Variants in GAN observed in about 807,000 individuals in gnomAD.
The protein encoded by GAN is epididymis secretory sperm binding protein.
GAN carries 48 observed loss-of-function variants against 71.3 expected under a neutral mutation model. The observed-to-expected ratio is 0.67, with a 90% CI of 0.53 to 0.86. The LOEUF (loss-of-function observed/expected upper bound fraction) is 0.86. Ranked by LOEUF, GAN falls within the 40% of genes least tolerant of loss-of-function variation. GAN has a pLI of 0.00. For missense variants in GAN, 928 were observed against 770.1 expected (o/e 1.21, Z -2.43); for synonymous variants, 386 against 276.8 (o/e 1.39, Z -3.92).
intron 3 of GAN, 24 bp from the exon 4 acceptor site, chr16:81,356,761 C>A: frequency 1.3e-6 from 2 of 1,502,174 alleles, no homozygotes; most frequent in South Asian, 1.1e-5. Context: ...TGTTTTCGCC[C>A]CATCTTTCTT....
intron 6 of GAN, among the ~76,000 whole-genome samples, chr16:81,362,878 G>T (rs192964932): frequency 9.0e-4 from 137 of 152,228 alleles, no homozygotes; most frequent in African/African-American, 3.2e-3. Flanking sequence ...AGCGTGGCCT[G>T]CCCCCTCCTC....
chr16:81,330,871 C>T (rs558170357), intron 1 of GAN, among the ~76,000 whole-genome samples: 2 of 152,198 alleles, frequency 1.3e-5, no homozygotes, highest in South Asian at 2.1e-4. Context: ...ACGATATTTC[C>T]GTAGTGTATC....
At chr16:81,364,153 T>C (rs550374840) in intron 7 of GAN, among the ~76,000 whole-genome samples, 2 of 152,304 alleles carry the variant, frequency 1.3e-5, no homozygotes, top group African/African-American at 4.8e-5. Flanking sequence ...ATCCTGCTTG[T>C]GGGCCCTGTG....
Position 81,377,570 on chromosome 16 carries a change from T to C in GAN, c.1768T>C (p.Phe590Leu). 6.2e-7 allele frequency: 1 copy of C among 1,614,198 alleles called. No individual in the cohort carries two copies. Among genetic ancestry groups the C allele is most frequent in the Non-Finnish European group, 8.5e-7 (1 of 1,180,016 alleles). ...LFRLQLQQGL[F>L]RIRVHSP is the part of the protein sequence containing the mutation. Reference sequence around the variant, plus strand: ...CCGCCTGCAGCTTCAGCAAGGCTTATTCCGTATTCGTGTTCATTCCCCTTG... The same window carrying C: ...CCGCCTGCAGCTTCAGCAAGGCTTACTCCGTATTCGTGTTCATTCCCCTTG... The change falls in exon 11 of 11, where the codon TTC becomes CTC. Residue 590 changes from phenylalanine (F) to leucine (L), a missense_variant. Coordinates refer to ENST00000648994, the MANE Select transcript of GAN (RefSeq NM_022041.4).
chr16:81,358,439 C>G (rs1307245355), intron 5 of GAN, among the ~76,000 whole-genome samples: 1 of 151,924 alleles, frequency 6.6e-6, no homozygotes, highest in Admixed American at 6.6e-5. Flanking sequence ...GAGAAACTGT[C>G]TTTACTAAAA....
Position 81,364,989 on chromosome 16 carries a change from G to T in GAN, c.1252G>T (p.Ala418Ser). Reference sequence around the variant, plus strand: ...CTGCTTTCAGATCGGCTGCTATGCAGCTATGAAAAAGAAAATCTACGCCAT... The same window carrying T: ...CTGCTTTCAGATCGGCTGCTATGCATCTATGAAAAAGAAAATCTACGCCAT... ...TMVRKIGCYA[A>S]MKKKIYAMGG... Residue 418 changes from alanine (A) to serine (S), a missense_variant, in exon 8 of 11, where the codon GCT (alanine) becomes TCT (serine). Ala to Ser is a moderately conservative substitution (Grantham distance 99). Coordinates refer to ENST00000648994, the MANE Select transcript of GAN (RefSeq NM_022041.4). 1 of 1,614,050 alleles carries T rather than the reference G, an allele frequency of 6.2e-7. No individual in the cohort carries two copies. The highest frequency in any genetic ancestry group is 1.1e-5 in the South Asian group (1 of 91,074).
intron 1 of GAN, among the ~76,000 whole-genome samples, chr16:81,317,839 T>G (rs1295057797): frequency 6.6e-6 from 1 of 152,254 alleles, no homozygotes; most frequent in Non-Finnish European, 1.5e-5. Context: ...GGTTTCCATT[T>G]TCAATCATCT....
At chr16:81,349,442 G>A (rs369634309) in intron 1 of GAN, among the ~76,000 whole-genome samples, 3 of 151,996 alleles carry the variant, frequency 2.0e-5, no homozygotes, top group Non-Finnish European at 4.4e-5. Flanking sequence ...TTAGGAGTTC[G>A]AAACCAGCCC....
intron 7 of GAN, 71 bp from the exon 8 acceptor site, chr16:81,364,903 A>G: frequency 7.0e-7 from 1 of 1,434,030 alleles, no homozygotes; most frequent in Non-Finnish European, 9.8e-7. Flanking sequence ...TGGCCCAGAC[A>G]GTTTAATATC....
At chr16:81,342,403 T>C (rs1364316909) in intron 1 of GAN, among the ~76,000 whole-genome samples, 1 of 152,136 alleles carries the variant, frequency 6.6e-6, no homozygotes, top group Non-Finnish European at 1.5e-5. Flanking sequence ...CCTAGGCAAA[T>C]GTAAAAGAAC....
chr16:81,323,802 C>T (rs1457954979), intron 1 of GAN, among the ~76,000 whole-genome samples: 1 of 152,136 alleles, frequency 6.6e-6, no homozygotes, highest in Non-Finnish European at 1.5e-5. Context: ...CAGAGGATTG[C>T]GCCCTCCAGG....
intron 1 of GAN, among the ~76,000 whole-genome samples, chr16:81,347,418 C>T (rs1250091545): frequency 6.6e-6 from 1 of 152,230 alleles, no homozygotes; most frequent in African/African-American, 2.4e-5. Context: ...TCTGCTGGTA[C>T]ATAGCTGTCA....
chr16:81,363,819 A>G lies in GAN; in HGVS notation c.1112A>G (p.Glu371Gly). ...NEARHNFGIVEIDGMLYILGG... is the reference protein window; with the variant it reads ...NEARHNFGIVGIDGMLYILGG... ...GCAAGACATAACTTCGGAATTGTGG[A>G]GATAGATGGGATGCTGTACATTTTG... Residue 371 changes from glutamate to glycine, a missense_variant, in exon 7 of 11, where the codon GAG becomes GGG. Coordinates refer to ENST00000648994, the MANE Select transcript of GAN (RefSeq NM_022041.4). 3.1e-6 allele frequency: 5 copies of G among 1,613,496 alleles called. No homozygotes were observed. The highest frequency in any genetic ancestry group is 4.2e-6 in the Non-Finnish European group (5 of 1,179,428).
chr16:81,332,422 A>C (rs1290673888), intron 1 of GAN, among the ~76,000 whole-genome samples: 1 of 152,168 alleles, frequency 6.6e-6, no homozygotes, highest in Non-Finnish European at 1.5e-5. Context: ...ACTGGGTATG[A>C]CTAGAATGAC....
rs937844729 is a variant in GAN at position 81,383,639 on chromosome 16, A to G, written c.*6043A>G. 6.6e-6 allele frequency: 1 copy of G among 151,930 alleles called. No individual in the cohort carries two copies. Among genetic ancestry groups the G allele is most frequent in the Non-Finnish European group, 1.5e-5 (1 of 67,988 alleles). The allele number at this position is 151,930 out of a possible 1,614,324, so 9.4% of individuals were successfully genotyped here. A position where few individuals can be genotyped will look rare whatever the true frequency, so the allele number is the denominator to read the frequency against. On this transcript the variant is annotated 3_prime_UTR_variant, in exon 11 of 11. Coordinates refer to ENST00000648994, the MANE Select transcript of GAN (RefSeq NM_022041.4). ...TTTGGCCTGATTATAAATGTTGATA[A>G]TAATTTCTTCCTGGCTCAACAAAGT...
chr16:81,330,158 G>GTGGCAGGAC (rs1909526051), intron 1 of GAN, among the ~76,000 whole-genome samples: 1 of 152,196 alleles, frequency 6.6e-6, no homozygotes, highest in Admixed American at 6.5e-5. Context: ...GTTCTGACTT[G>GTGGCAGGAC]TGGCAGGACC....
Position 81,376,785 on chromosome 16 carries a change from G to C in GAN, c.1503-434G>C, listed in dbSNP as rs1185423920. On this transcript the variant is annotated intron_variant, in intron 9 of 10. Transcript: ENST00000648994. The stretch of plus-strand genomic sequence containing the variant: ...CTCAGCTACTTGGAAGGCTGGGGTG[G>C]GAGGATCACCTGAACTGGTAGGTTG... 2.0e-5 allele frequency among the ~76,000 whole-genome samples: 3 copies of C among 152,108 alleles called. No homozygotes were observed. In the East Asian group the frequency reaches 5.8e-4, roughly 29 times the overall value.
rs761334418 is a variant in GAN, at chr16:81,354,436, T to A, written c.314T>A (p.Val105Asp). Reference protein sequence around the residue: ...IRLNEDTIQDVVQAADLLLLT... With the variant: ...IRLNEDTIQDDVQAADLLLLT... ...CTAAATGAAGATACAATCCAAGATG[T>A]TGTTCAGGCAGCTGACCTGCTGCTA... The change falls in exon 3 of 11, where the codon GTT (valine) becomes GAT (aspartate). Residue 105 changes from valine to aspartate, a missense_variant. By Grantham distance (152) the Val-to-Asp change is radical. Transcript: ENST00000648994. 2 of 1,613,182 alleles carry A rather than the reference T, an allele frequency of 1.2e-6. No individual in the cohort carries two copies. The highest frequency in any genetic ancestry group is 1.7e-5 in the Admixed American group (1 of 60,028).
rs1418898940 is a variant in GAN, at chr16:81,360,051, ATGGATGGATG to A, written c.973+2121_973+2130del. ...GATGGATGGATGGATGGATGGATGG[ATGGATGGATG>A]GATGGATAGATGGATGGACAGACAG... On this transcript the variant is annotated intron_variant, in intron 5 of 10. Coordinates refer to ENST00000648994, the MANE Select transcript of GAN (RefSeq NM_022041.4). Among the ~76,000 whole-genome samples the A allele has an allele frequency of 1.8e-3, 255 of 144,134 alleles. 2 individuals are homozygous for A. The East Asian group carries it at 0.031, about 18-fold the overall frequency. 94.6% of individuals were successfully genotyped at this position (144,134 alleles called of 152,430 possible).
Sources: allele counts gnomAD v4.1 joint callset (sites outside exome capture counted in the v4.1 genomes callset), GRCh38; gene constraint gnomAD v4.1.1; transcripts MANE v1.5; gene names NCBI Gene and HGNC (gene_info 2026-07-23, HGNC 2026-07-21).